ST3GAL3: variants seen among roughly 807,000 people sequenced by gnomAD.
ST3GAL3 encodes the protein CMP-N-acetylneuraminate-beta-1,4-galactoside alpha-2,3-sialyltransferase.
A neutral mutation model predicts 50.1 loss-of-function variants in ST3GAL3; 21 were observed. That is an observed-to-expected ratio of 0.42 (90% CI 0.30 to 0.60). The LOEUF is 0.60. ST3GAL3 is among the 20% of genes least tolerant of loss of function. The probability of loss-of-function intolerance (pLI) is 0.19; values close to 1 mark genes in which losing one functional copy is unlikely to be tolerated. For synonymous variants in ST3GAL3, 183 were observed against 190.0 expected (o/e 0.96, Z 0.30); for missense variants, 353 against 489.4 (o/e 0.72, Z 2.63).
intron 1 of ST3GAL3, among the ~76,000 whole-genome samples, chr1:43,719,552 C>G (rs1395957687): frequency 6.6e-6 from 1 of 151,940 alleles, no homozygotes; most frequent in African/African-American, 2.4e-5. Flanking sequence ...GTAATCCCAG[C>G]TACATGGGAG....
chr1:43,845,460 T>C (rs572767498), intron 5 of ST3GAL3, among the ~76,000 whole-genome samples: 13 of 152,228 alleles, frequency 8.5e-5, no homozygotes, highest in South Asian at 8.3e-4. Context: ...ATTATTTTAA[T>C]GTCTAGGATA....
Position 43,851,328 on chromosome 1 carries a change from T to A in ST3GAL3, c.302+13017T>A, listed in dbSNP as rs141227846. ...CCATCTGGCAGGTCCAGGCCCATGATGCACCCATGGGTTTCCACCAGGGCA... is the reference window on the plus strand; with the variant it reads ...CCATCTGGCAGGTCCAGGCCCATGAAGCACCCATGGGTTTCCACCAGGGCA... On this transcript the variant is annotated intron_variant, in intron 5 of 11. Transcript: ENST00000347631. The A allele has an allele frequency of 2.2e-4, 332 of 1,520,766 alleles. No individual in the cohort carries two copies. The East Asian group carries it at 7.1e-3, about 33-fold the overall frequency. 94.2% of individuals were successfully genotyped at this position (1,520,766 alleles called of 1,614,324 possible). A position where few individuals can be genotyped will look rare whatever the true frequency, so the allele number is the denominator to read the frequency against.
chr1:43,821,344 T>C (rs185146311), intron 4 of ST3GAL3, among the ~76,000 whole-genome samples: 1 of 152,106 alleles, frequency 6.6e-6, no homozygotes, highest in East Asian at 1.9e-4. Context: ...CCAAGGTCCA[T>C]GAAGTATAGA....
At chr1:43,809,074 A>G (rs1048906299) in intron 3 of ST3GAL3, among the ~76,000 whole-genome samples, 3 of 152,212 alleles carry the variant, frequency 2.0e-5, no homozygotes, top group African/African-American at 7.2e-5. Flanking sequence ...TAAAATTCAC[A>G]TGGTTGGCAG....
At chr1:43,927,910 G>T (rs534379296) in intron 11 of ST3GAL3, among the ~76,000 whole-genome samples, 1 of 152,148 alleles carries the variant, frequency 6.6e-6, no homozygotes, top group African/African-American at 2.4e-5. Flanking sequence ...GGGAAGAAAC[G>T]GTCACCACTT....
chr1:43,896,024 G>T lies in ST3GAL3; in HGVS notation c.397+1547G>T, dbSNP rs2077342794. On this transcript the variant is annotated intron_variant, in intron 6 of 11. Coordinates refer to ENST00000347631, the MANE Select transcript of ST3GAL3 (RefSeq NM_006279.5). ...AAAGGTGAAATTGGAAGTGGGAAAA[G>T]GAGGGAATCTGTTGCCTTTCCTAAA... Among the ~76,000 whole-genome samples, 2 of 152,220 alleles carry T rather than the reference G, an allele frequency of 1.3e-5. 1 individual carries two copies.
intron 1 of ST3GAL3, among the ~76,000 whole-genome samples, chr1:43,720,980 C>T (rs2154072032): frequency 6.6e-6 from 1 of 152,258 alleles, no homozygotes; most frequent in South Asian, 2.1e-4. Context: ...CATAGTGGCT[C>T]ATGCCTATAA....
At chr1:43,861,641 G>A (rs2069953638) in intron 5 of ST3GAL3, among the ~76,000 whole-genome samples, 1 of 152,150 alleles carries the variant, frequency 6.6e-6, no homozygotes, top group African/African-American at 2.4e-5. Flanking sequence ...ACCCCTACAT[G>A]CCAATGCCTT....
At chr1:43,917,480 ATAATATATAATATATATAAT>A in intron 9 of ST3GAL3, among the ~76,000 whole-genome samples, 1 of 82,736 alleles carries the variant, frequency 1.2e-5, no homozygotes, top group East Asian at 2.9e-4. Context: ...TATAATATAT[ATAATATATAATATATATAAT>A]ATATTATATA....
At chr1:43,903,304 G>A (rs1266026507) in intron 9 of ST3GAL3, among the ~76,000 whole-genome samples, 2 of 152,176 alleles carry the variant, frequency 1.3e-5, no homozygotes, top group African/African-American at 4.8e-5. Flanking sequence ...GGTCTGGAGA[G>A]GACAGGACAT....
intron 1 of ST3GAL3, among the ~76,000 whole-genome samples, chr1:43,725,185 G>A (rs757730896): frequency 1.3e-5 from 2 of 152,046 alleles, no homozygotes; most frequent in African/African-American, 2.4e-5. Context: ...TTACCTGCAT[G>A]CTTTTTTCTT....
At chr1:43,727,344 G>C (rs1673426809) in intron 1 of ST3GAL3, 1 of 151,658 alleles carries the variant, frequency 6.6e-6, no homozygotes, top group Non-Finnish European at 1.5e-5. Flanking sequence ...GCTATAAGAT[G>C]ATGAGCAAAA....
intron 9 of ST3GAL3, among the ~76,000 whole-genome samples, chr1:43,904,873 G>A (rs1428190449): frequency 7.6e-6 from 1 of 132,376 alleles, no homozygotes; most frequent in Admixed American, 7.9e-5. Context: ...TCCTCCTCCT[G>A]CTCCTCTTCC....
Position 43,930,226 on chromosome 1 carries a change from G to GCC in ST3GAL3, c.*7_*8dup, listed in dbSNP as rs1198161632. 1.9e-6 allele frequency: 3 copies of GCC among 1,612,864 alleles called. No homozygotes were observed. The highest frequency in any genetic ancestry group is 8.5e-7 in the Non-Finnish European group (1 of 1,179,784). On this transcript the variant is annotated 3_prime_UTR_variant, in exon 12 of 12. Coordinates refer to ENST00000347631, the MANE Select transcript of ST3GAL3 (RefSeq NM_006279.5). ...GATCTAAGCAGTGGCATCTGAGTGG[G>GCC]CCCAGCACATGGCCATAGAGGCCCA...
Position 43,894,394 on chromosome 1 carries a change from C to G in ST3GAL3, c.314C>G (p.Pro105Arg). The change falls in exon 6 of 12, where the codon CCA becomes CGA. Residue 105 changes from proline (P) to arginine (R), a missense_variant. Transcript: ENST00000347631. ...MTAIFPRFSK[P>R]APMFLDDSFR... ...CTGTTATATTCCAGGTTCTCCAAGC[C>G]AGCACCCATGTTCCTGGATGACTCC... 1 of 1,614,178 alleles carries G rather than the reference C, an allele frequency of 6.2e-7. No homozygotes were observed. Among genetic ancestry groups the G allele is most frequent in the Middle Eastern group, 1.6e-4 (1 of 6,062 alleles).
chr1:43,716,968 C>T (rs536400257), intron 1 of ST3GAL3, among the ~76,000 whole-genome samples: 1 of 152,280 alleles, frequency 6.6e-6, no homozygotes, highest in South Asian at 2.1e-4. Context: ...CACGAGCAAC[C>T]TTTCTAAAAC....
chr1:43,827,038 TC>T (rs1416108162), intron 4 of ST3GAL3, among the ~76,000 whole-genome samples: 1 of 151,936 alleles, frequency 6.6e-6, no homozygotes, highest in Non-Finnish European at 1.5e-5. Context: ...ACCAAGGATG[TC>T]CCCCCTCTCA....
At chr1:43,835,064 C>T (rs950354901) in intron 4 of ST3GAL3, among the ~76,000 whole-genome samples, 2 of 152,140 alleles carry the variant, frequency 1.3e-5, no homozygotes, top group African/African-American at 4.8e-5. Context: ...ACACTCTTCA[C>T]CCCAGGGGCT....
chr1:43,917,961 C>T (rs1472536192), intron 9 of ST3GAL3, among the ~76,000 whole-genome samples: 1 of 151,312 alleles, frequency 6.6e-6, no homozygotes, highest in Non-Finnish European at 1.5e-5. Flanking sequence ...AACCACCACG[C>T]CCAGCCTTAT....
Sources: gnomAD v4.1 joint callset for allele counts (sites outside exome capture counted in the v4.1 genomes callset) on GRCh38, gnomAD v4.1.1 for gene constraint, MANE v1.5 for transcripts, NCBI Gene and HGNC (gene_info 2026-07-23, HGNC 2026-07-21) for gene names.